Variants in SAMD12 observed in about 807,000 individuals in gnomAD.
The protein encoded by SAMD12 is sterile alpha motif domain-containing protein 12.
SAMD12 carries 9 observed loss-of-function variants against 15.0 expected under a neutral mutation model. The ratio of observed to expected loss-of-function variants is 0.60; its 90% CI spans 0.36 to 1.05. The LOEUF (loss-of-function observed/expected upper bound fraction) is 1.05. Ranked by LOEUF, SAMD12 falls within the 50% of genes least tolerant of loss-of-function variation. The probability of loss-of-function intolerance (pLI) is 0.01; values close to 1 mark genes in which losing one functional copy is unlikely to be tolerated. For synonymous variants in SAMD12, 86 were observed against 90.1 expected (o/e 0.96, Z 0.25); for missense variants, 230 against 234.2 (o/e 0.98, Z 0.12).
intron 4 of SAMD12, among the ~76,000 whole-genome samples, chr8:118,266,841 AG>A (rs1423794547): frequency 6.6e-6 from 1 of 152,132 alleles, no homozygotes; most frequent in African/African-American, 2.4e-5. Context: ...TAGGGGGTGG[AG>A]GGGTTGAGGA....
intron 4 of SAMD12, among the ~76,000 whole-genome samples, chr8:118,285,989 A>G (rs1586431362): frequency 6.7e-6 from 1 of 150,334 alleles, no homozygotes; most frequent in African/African-American, 2.5e-5. Flanking sequence ...ATGCAGCCAT[A>G]AAAAATGATG....
chr8:118,273,042 A>G (rs989291232), intron 4 of SAMD12, among the ~76,000 whole-genome samples: 14 of 152,166 alleles, frequency 9.2e-5, no homozygotes, highest in African/African-American at 3.4e-4. Flanking sequence ...AACCTCTACC[A>G]TACTAATTTA....
At position 118,201,197 on chromosome 8, in the gene SAMD12, C is replaced by T. The variant is rs184595816; in HGVS notation, c.434-3465G>A. 1.5e-3 allele frequency among the ~76,000 whole-genome samples: 225 copies of T among 152,306 alleles called. 3 individuals are homozygous for T. Among genetic ancestry groups the T allele is most frequent in the South Asian group, 7.5e-3 (36 of 4,816 alleles). ...GAAATATGTGGTCTTTGATATACAA[C>T]GCTCTTTGGGCTCCATCCCCTGTGC... On this transcript the variant is annotated intron_variant, in intron 4 of 4. Coordinates refer to the SAMD12 transcript ENST00000409003.
rs148279108 is a variant in SAMD12 at position 118,479,562 on chromosome 8, C to T, written c.193-39601G>A. ...ATCTCCCACCGGGTCCCTCCCACAACACTTGGGAATTATGGGAGTGCAACT... is the reference window on the plus strand; with the variant it reads ...ATCTCCCACCGGGTCCCTCCCACAATACTTGGGAATTATGGGAGTGCAACT... On this transcript the variant is annotated intron_variant, in intron 2 of 3. Coordinates refer to ENST00000314727, the MANE Select transcript of SAMD12 (RefSeq NM_207506.3). Among the ~76,000 whole-genome samples, 685 of 152,290 alleles carry T rather than the reference C, an allele frequency of 4.5e-3. 4 individuals are homozygous for T. The highest frequency in any genetic ancestry group is 0.031 in the Middle Eastern group (9 of 294).
At chr8:118,215,274 C>CA (rs1378804851) in intron 4 of SAMD12, among the ~76,000 whole-genome samples, 2 of 152,258 alleles carry the variant, frequency 1.3e-5, no homozygotes, top group East Asian at 3.9e-4. Context: ...GCTTTCAAAA[C>CA]AACAGAAGAG....
At chr8:118,208,055 C>T (rs552206934) in intron 4 of SAMD12, among the ~76,000 whole-genome samples, 20 of 151,638 alleles carry the variant, frequency 1.3e-4, no homozygotes, top group Admixed American at 6.6e-4. Context: ...GTCGGGAGTT[C>T]GAGACCAGTC....
At chr8:118,379,846 C>T (rs1235600730) in intron 3 of SAMD12, 146 bp from the exon 4 acceptor site, 3 of 1,027,932 alleles carry the variant, frequency 2.9e-6, no homozygotes, top group Admixed American at 2.9e-5. Context: ...ATTATTATTG[C>T]TGACACAAAT....
rs1020059193 is a variant in SAMD12 at position 118,378,674 on chromosome 8, A to G, written c.*743T>C. ...TGACAAATACTCAAGGCTCTCAAAA[A>G]CACATATTTTATCATCCTTTCATTT... On this transcript the variant is annotated 3_prime_UTR_variant, in exon 4 of 4. Coordinates refer to ENST00000314727, the MANE Select transcript of SAMD12 (RefSeq NM_207506.3). 2 of 984,850 alleles carry G rather than the reference A, an allele frequency of 2.0e-6. No homozygotes were observed. The highest frequency in any genetic ancestry group is 3.5e-5 in the African/African-American group (2 of 57,232). The allele number at this position is 984,850 out of a possible 1,614,324, so 61.0% of individuals were successfully genotyped here. A position where few individuals can be genotyped will look rare whatever the true frequency, so the allele number is the denominator to read the frequency against.
intron 2 of SAMD12, among the ~76,000 whole-genome samples, chr8:118,458,069 C>T (rs1230914176): frequency 6.6e-6 from 1 of 152,168 alleles, no homozygotes; most frequent in African/African-American, 2.4e-5. Context: ...AAAAACTCTC[C>T]CATTTGACAA....
the SAMD12 span, among the ~76,000 whole-genome samples, chr8:118,173,964 T>G: frequency 6.6e-6 from 1 of 152,144 alleles, no homozygotes; most frequent in Non-Finnish European, 1.5e-5. Context: ...ATCTGGCAAT[T>G]AAAAATACTG....
chr8:118,152,456 C>T, the SAMD12 span, among the ~76,000 whole-genome samples: 1 of 124,204 alleles, frequency 8.1e-6, no homozygotes, highest in Non-Finnish European at 1.7e-5. Context: ...CCCTCCCTCC[C>T]TACCTTCCTT....
chr8:118,498,757 A>G (rs1224476646), intron 2 of SAMD12, among the ~76,000 whole-genome samples: 3 of 152,248 alleles, frequency 2.0e-5, no homozygotes, highest in Non-Finnish European at 4.4e-5. Flanking sequence ...ACATTAAAAT[A>G]AAAGTATATG....
chr8:118,478,357 G>A (rs547001045), intron 2 of SAMD12, among the ~76,000 whole-genome samples: 1 of 152,264 alleles, frequency 6.6e-6, no homozygotes, highest in South Asian at 2.1e-4. Context: ...CAGAGCCCCT[G>A]ACCACCCAAA....
At chr8:118,163,756 T>C in the SAMD12 span, among the ~76,000 whole-genome samples, 1 of 152,082 alleles carries the variant, frequency 6.6e-6, no homozygotes, top group Non-Finnish European at 1.5e-5. Context: ...GCGCCTGTAG[T>C]CCCAGCTACT....
At chr8:118,328,063 T>C (rs1330233203) in intron 4 of SAMD12, among the ~76,000 whole-genome samples, 1 of 152,226 alleles carries the variant, frequency 6.6e-6, no homozygotes, top group Non-Finnish European at 1.5e-5. Context: ...CCTGATTATA[T>C]CTTGGCTCAG....
intron 2 of SAMD12, among the ~76,000 whole-genome samples, chr8:118,548,900 T>A (rs868089965): frequency 6.6e-6 from 1 of 152,260 alleles, no homozygotes; most frequent in Non-Finnish European, 1.5e-5. Flanking sequence ...TGGAGGGTCC[T>A]ACGCCCACGG....
intron 2 of SAMD12, among the ~76,000 whole-genome samples, chr8:118,563,807 A>G (rs1262298758): frequency 6.6e-5 from 10 of 152,162 alleles, no homozygotes; most frequent in Non-Finnish European, 1.5e-4. Flanking sequence ...AACAGTAACC[A>G]TTTCTTTTCC....
At chr8:118,598,418 T>C (rs551751037) in intron 1 of SAMD12, among the ~76,000 whole-genome samples, 1 of 152,268 alleles carries the variant, frequency 6.6e-6, no homozygotes, top group South Asian at 2.1e-4. Flanking sequence ...CCAAGCCAAG[T>C]AGAAAGGTTT....
At chr8:118,522,454 C>T (rs765055136) in intron 2 of SAMD12, among the ~76,000 whole-genome samples, 2 of 151,976 alleles carry the variant, frequency 1.3e-5, no homozygotes. Flanking sequence ...ACAGAAAGAC[C>T]GATGCAATGT....
Sources: gnomAD v4.1 joint callset for allele counts (sites outside exome capture counted in the v4.1 genomes callset) on GRCh38, gnomAD v4.1.1 for gene constraint, MANE v1.5 for transcripts, NCBI Gene and HGNC (gene_info 2026-07-23, HGNC 2026-07-21) for gene names.